Variants in C3orf33 observed in about 807,000 individuals in gnomAD.
The protein encoded by C3orf33 is AP-1 activity suppressor.
In C3orf33, 23 loss-of-function variants were observed where a neutral mutation model predicts 28.7. The observed-to-expected ratio is 0.80, with a 90% CI of 0.58 to 1.13. The LOEUF is 1.13. Ranked by LOEUF, C3orf33 falls within the 50% of genes most tolerant of loss-of-function variation. The pLI is 0.00. For missense variants in C3orf33, 327 were observed against 353.4 expected (o/e 0.93, Z 0.60); for synonymous variants, 119 against 120.5 (o/e 0.99, Z 0.08).
intron 3 of C3orf33, among the ~76,000 whole-genome samples, chr3:155,768,140 A>G (rs938119254): frequency 2.0e-5 from 3 of 152,198 alleles, no homozygotes; most frequent in African/African-American, 7.2e-5. Flanking sequence ...TCGGCCTCCC[A>G]AAGTGCTGGG....
rs1423269009 is a variant in C3orf33, at chr3:155,800,496, C to T, written c.174+2036G>A. Reference sequence around the variant, plus strand: ...GCAGGTGCCTTTAGTCCTAACTACTCAGGAAGCTGAGGCATGAGGATGAGG... The same window carrying T: ...GCAGGTGCCTTTAGTCCTAACTACTTAGGAAGCTGAGGCATGAGGATGAGG... On this transcript the variant is annotated intron_variant, in intron 2 of 4. Coordinates refer to ENST00000340171, the MANE Select transcript of C3orf33 (RefSeq NM_001308229.2). Among the ~76,000 whole-genome samples, 4 of 150,456 alleles carry T rather than the reference C, an allele frequency of 2.7e-5. No homozygotes were observed. In the Admixed American group the frequency reaches 2.7e-4, roughly 10 times the overall value.
chr3:155,762,625 A>G lies in C3orf33; in HGVS notation c.*892T>C, dbSNP rs951114123. 2 of 152,232 alleles carry G rather than the reference A, an allele frequency of 1.3e-5. No homozygotes were observed. Among genetic ancestry groups the G allele is most frequent in the African/African-American group, 4.8e-5 (2 of 41,462 alleles). 9.4% of individuals were successfully genotyped at this position (152,232 alleles called of 1,614,324 possible). On this transcript the variant is annotated 3_prime_UTR_variant, in exon 5 of 5. Transcript: ENST00000340171. The stretch of plus-strand genomic sequence containing the variant: ...AAAAGCTACTTTGGACATAAAGCAT[A>G]AAGAATTCCTTTATTATAAATAGTG...
intron 2 of C3orf33, among the ~76,000 whole-genome samples, chr3:155,776,230 C>T (rs749267504): frequency 5.3e-5 from 8 of 152,054 alleles, no homozygotes; most frequent in South Asian, 2.1e-4. Context: ...CATATACTGA[C>T]GGGAAAACTT....
At chr3:155,772,709 C>T (rs868179555) in intron 3 of C3orf33, among the ~76,000 whole-genome samples, 2 of 151,254 alleles carry the variant, frequency 1.3e-5, no homozygotes, top group African/African-American at 4.9e-5. Context: ...ATAGCACAGG[C>T]ATTCAGTAAT....
chr3:155,776,246 A>T (rs1465371893), intron 2 of C3orf33, among the ~76,000 whole-genome samples: 2 of 152,170 alleles, frequency 1.3e-5, no homozygotes, highest in East Asian at 3.8e-4. Context: ...AACTTAAACA[A>T]AGCTCAGTCA....
At chr3:155,771,017 C>CTGTGTA (rs1553770180) in intron 3 of C3orf33, among the ~76,000 whole-genome samples, 1 of 109,602 alleles carries the variant, frequency 9.1e-6, no homozygotes, top group Non-Finnish European at 1.8e-5. Flanking sequence ...TGCTCTGCCA[C>CTGTGTA]TGTGTGTGTG....
intron 2 of C3orf33, among the ~76,000 whole-genome samples, chr3:155,778,882 G>C (rs886576230): frequency 9.9e-5 from 15 of 152,160 alleles, no homozygotes; most frequent in African/African-American, 3.6e-4. Flanking sequence ...TTGAATGATA[G>C]CATGAGGAAC....
At chr3:155,798,890 C>T (rs761952445) in intron 2 of C3orf33, among the ~76,000 whole-genome samples, 1 of 152,122 alleles carries the variant, frequency 6.6e-6, no homozygotes, top group African/African-American at 2.4e-5. Flanking sequence ...GAATTAATAA[C>T]CAGATTATAT....
intron 2 of C3orf33, among the ~76,000 whole-genome samples, chr3:155,778,403 T>G (rs571009707): frequency 5.1e-4 from 78 of 152,326 alleles, no homozygotes; most frequent in African/African-American, 1.6e-3. Context: ...AAGTACGCTA[T>G]GAAGTATTTA....
At chr3:155,764,318 A>G (rs1358963606) in intron 4 of C3orf33, among the ~76,000 whole-genome samples, 2 of 152,230 alleles carry the variant, frequency 1.3e-5, no homozygotes, top group African/African-American at 4.8e-5. Context: ...CTAAACTAAA[A>G]GTAGCCAAAT....
intron 2 of C3orf33, among the ~76,000 whole-genome samples, chr3:155,796,018 CA>C (rs1338083061): frequency 2.0e-5 from 3 of 151,574 alleles, no homozygotes; most frequent in Non-Finnish European, 4.4e-5. Flanking sequence ...ACAGCAAAAG[CA>C]ATATTAAAAG....
chr3:155,776,773 A>G (rs1238541572), intron 2 of C3orf33, among the ~76,000 whole-genome samples: 1 of 149,798 alleles, frequency 6.7e-6, no homozygotes, highest in Non-Finnish European at 1.5e-5. Context: ...AAAAAAAAAA[A>G]AAAAAAAAAA....
chr3:155,778,162 A>C (rs1351691852), intron 2 of C3orf33, among the ~76,000 whole-genome samples: 2 of 151,286 alleles, frequency 1.3e-5, no homozygotes, highest in Non-Finnish European at 2.9e-5. Context: ...AAAAAAAAAA[A>C]ACAAGTAGGG....
chr3:155,763,658 T>G lies in C3orf33; in HGVS notation c.744A>C (p.Ser248=). ...AACTTTCTTTTTTCAAGCTGAAATC[T>G]GATCCTGTTGTTTTTAAAAAACTGT... ...KKDSFLKTTG[S]DFSLKKESYY... Residue 248 remains serine (S), a synonymous_variant, in exon 5 of 5, where the codon TCA becomes TCC. Transcript: ENST00000340171. 1 of 1,595,006 alleles carries G rather than the reference T, an allele frequency of 6.3e-7. No individual in the cohort carries two copies. Among genetic ancestry groups the G allele is most frequent in the South Asian group, 1.2e-5 (1 of 85,318 alleles).
At chr3:155,768,526 T>A (rs1422561635) in intron 3 of C3orf33, among the ~76,000 whole-genome samples, 1 of 152,186 alleles carries the variant, frequency 6.6e-6, no homozygotes, top group East Asian at 1.9e-4. Context: ...TTTTAACCAA[T>A]GTAATTTTAA....
intron 2 of C3orf33, among the ~76,000 whole-genome samples, chr3:155,789,211 G>T (rs1238587503): frequency 6.6e-6 from 1 of 151,972 alleles, no homozygotes; most frequent in African/African-American, 2.4e-5. Flanking sequence ...CAGGCGTGGT[G>T]GCAGGCGCTT....
intron 2 of C3orf33, among the ~76,000 whole-genome samples, chr3:155,790,163 C>CAAA (rs35285462): frequency 2.6e-5 from 1 of 38,694 alleles, no homozygotes; most frequent in African/African-American, 1.1e-4. Flanking sequence ...AACTCTGTCT[C>CAAA]AAAAAAAAAA....
At chr3:155,778,632 G>T (rs1014357615) in intron 2 of C3orf33, among the ~76,000 whole-genome samples, 1 of 152,210 alleles carries the variant, frequency 6.6e-6, no homozygotes, top group African/African-American at 2.4e-5. Flanking sequence ...AAATGAAAGA[G>T]AGGAGAAATG....
At chr3:155,769,957 G>A (rs1218759367) in intron 3 of C3orf33, among the ~76,000 whole-genome samples, 1 of 152,134 alleles carries the variant, frequency 6.6e-6, no homozygotes, top group Non-Finnish European at 1.5e-5. Context: ...GCACTGTCAT[G>A]CCCATCTTTT....
Sources: gnomAD v4.1 joint callset for allele counts (sites outside exome capture counted in the v4.1 genomes callset) on GRCh38, gnomAD v4.1.1 for gene constraint, MANE v1.5 for transcripts, NCBI Gene and HGNC (gene_info 2026-07-23, HGNC 2026-07-21) for gene names.